The following GAB1 variants were observed in gnomAD, a reference collection of about 807,000 sequenced individuals.
GAB1 encodes the protein GRB2-associated-binding protein 1.
GAB1 carries 19 observed loss-of-function variants against 66.5 expected under a neutral mutation model. The observed-to-expected ratio is 0.29, with a 90% CI of 0.20 to 0.42. The LOEUF is 0.42. Ranked by LOEUF, GAB1 falls within the 10% of genes least tolerant of loss-of-function variation. The pLI is 1.00. For missense variants in GAB1, 732 were observed against 858.5 expected (o/e 0.85, Z 1.84); for synonymous variants, 294 against 301.4 (o/e 0.98, Z 0.25).
Position 143,355,432 on chromosome 4 carries a change from AAAC to A in GAB1, c.72+18189_72+18191del, listed in dbSNP as rs34564162. ...TTTATTTTCAATTGTGTTTAAAACA[AAAC>A]AACAACAACAACAACACATAACATA... On this transcript the variant is annotated intron_variant, in intron 1 of 9. Coordinates refer to ENST00000262994, the MANE Select transcript of GAB1 (RefSeq NM_002039.4). 2.5e-3 allele frequency among the ~76,000 whole-genome samples: 371 copies of A among 149,440 alleles called. 2 individuals carry two copies. The highest frequency in any genetic ancestry group is 8.8e-3 in the African/African-American group (349 of 39,446).
Position 143,470,529 on chromosome 4 carries a change from G to A in GAB1, c.*1340G>A, listed in dbSNP as rs1212332892. The A allele has an allele frequency of 6.6e-6, 1 of 152,200 alleles. No individual in the cohort carries two copies. The highest frequency in any genetic ancestry group is 2.1e-4 in the South Asian group (1 of 4,836). 9.4% of individuals were successfully genotyped at this position (152,200 alleles called of 1,614,324 possible). On this transcript the variant is annotated 3_prime_UTR_variant, in exon 10 of 10. Coordinates refer to ENST00000262994, the MANE Select transcript of GAB1 (RefSeq NM_002039.4). Reference sequence around the variant, plus strand: ...TCTGTCTCACCTATAACATGGTCCTGTGACATAGATATTAAGACCACAAGT... The same window carrying A: ...TCTGTCTCACCTATAACATGGTCCTATGACATAGATATTAAGACCACAAGT...
At chr4:143,398,933 G>T (rs1391376267) in intron 1 of GAB1, among the ~76,000 whole-genome samples, 1 of 152,054 alleles carries the variant, frequency 6.6e-6, no homozygotes, top group African/African-American at 2.4e-5. Context: ...TGGGCAGTTG[G>T]TTTAGAAGAG....
chr4:143,427,088 T>G (rs1331102010), intron 2 of GAB1, among the ~76,000 whole-genome samples: 1 of 152,120 alleles, frequency 6.6e-6, no homozygotes, highest in East Asian at 1.9e-4. Context: ...AAAAAAGTAC[T>G]CTCAGGAAAG....
chr4:143,365,388 G>A (rs193019166), intron 1 of GAB1, among the ~76,000 whole-genome samples: 191 of 152,222 alleles, frequency 1.3e-3, no homozygotes, highest in African/African-American at 4.5e-3. Flanking sequence ...AGATCCAGAA[G>A]GATAAAAGCC....
intron 1 of GAB1, among the ~76,000 whole-genome samples, chr4:143,360,627 G>A (rs1343877411): frequency 6.6e-6 from 1 of 152,146 alleles, no homozygotes; most frequent in Non-Finnish European, 1.5e-5. Context: ...TTGCCATCAT[G>A]CTAAAAAAAG....
chr4:143,365,660 A>G (rs991965818), intron 1 of GAB1, among the ~76,000 whole-genome samples: 2 of 152,138 alleles, frequency 1.3e-5, no homozygotes, highest in East Asian at 3.9e-4. Flanking sequence ...TGCTGAACAC[A>G]TTTTCCCATA....
At chr4:143,338,607 C>T (rs548031197) in intron 1 of GAB1, among the ~76,000 whole-genome samples, 1 of 152,230 alleles carries the variant, frequency 6.6e-6, no homozygotes, top group African/African-American at 2.4e-5. Flanking sequence ...AAATCCTGTC[C>T]ATCTATCAGT....
Position 143,421,445 on chromosome 4 carries a change from C to T in GAB1, c.367+5674C>T, listed in dbSNP as rs140898104. Among the ~76,000 whole-genome samples, 499 of 152,136 alleles carry T rather than the reference C, an allele frequency of 3.3e-3. 3 individuals carry two copies. Among genetic ancestry groups the T allele is most frequent in the Non-Finnish European group, 5.0e-3 (337 of 67,930 alleles). On this transcript the variant is annotated intron_variant, in intron 2 of 9. Coordinates refer to ENST00000262994, the MANE Select transcript of GAB1 (RefSeq NM_002039.4). Reference sequence around the variant, plus strand: ...TATAATAACTGTGTTACAGTACAGACGTATATTTAGCTTTAATAGGTTTAA... The same window carrying T: ...TATAATAACTGTGTTACAGTACAGATGTATATTTAGCTTTAATAGGTTTAA...
At chr4:143,340,661 C>G (rs1263715947) in intron 1 of GAB1, among the ~76,000 whole-genome samples, 1 of 152,160 alleles carries the variant, frequency 6.6e-6, no homozygotes, top group Non-Finnish European at 1.5e-5. Flanking sequence ...TAGGCATCCC[C>G]CTCCACACCC....
chr4:143,439,722 GA>G (rs1398493698), intron 4 of GAB1, 79 bp from the exon 5 acceptor site: 1 of 929,664 alleles, frequency 1.1e-6, no homozygotes, highest in African/African-American at 1.6e-5. Flanking sequence ...TATAATGAGA[GA>G]AAGATAATAG....
chr4:143,358,355 A>G (rs187639153), intron 1 of GAB1, among the ~76,000 whole-genome samples: 2 of 152,322 alleles, frequency 1.3e-5, no homozygotes, highest in East Asian at 3.9e-4. Context: ...AATCTTCATG[A>G]AGCAATGTGA....
chr4:143,421,133 A>G, intron 2 of GAB1, among the ~76,000 whole-genome samples: 1 of 152,088 alleles, frequency 6.6e-6, no homozygotes, highest in East Asian at 1.9e-4. Context: ...TGCTTTTATT[A>G]CTGTGGATTA....
At chr4:143,465,115 T>G (rs1735714050) in intron 8 of GAB1, among the ~76,000 whole-genome samples, 1 of 152,216 alleles carries the variant, frequency 6.6e-6, no homozygotes, top group African/African-American at 2.4e-5. Flanking sequence ...TAGATGGGGT[T>G]AAAAGGAGTA....
chr4:143,438,693 T>G (rs1734070520), intron 4 of GAB1, 93 bp downstream of exon 4: 2 of 1,334,390 alleles, frequency 1.5e-6, no homozygotes, highest in Non-Finnish European at 1.0e-6. Context: ...TTAAATATAC[T>G]ATGCTACAAA....
At chr4:143,453,054 C>A (rs1040737282) in intron 6 of GAB1, among the ~76,000 whole-genome samples, 1 of 151,984 alleles carries the variant, frequency 6.6e-6, no homozygotes, top group Non-Finnish European at 1.5e-5. Flanking sequence ...CTTTTTTTCT[C>A]GTTTCTTTCC....
At chr4:143,432,422 G>C (rs1375856193) in intron 2 of GAB1, among the ~76,000 whole-genome samples, 4 of 152,076 alleles carry the variant, frequency 2.6e-5, no homozygotes, top group Non-Finnish European at 4.4e-5. Flanking sequence ...GAAGGATTAG[G>C]AACACATTGA....
intron 1 of GAB1, among the ~76,000 whole-genome samples, chr4:143,408,072 G>T (rs539838139): frequency 3.9e-5 from 6 of 152,094 alleles, no homozygotes; most frequent in Admixed American, 6.5e-5. Flanking sequence ...AACCCCCTAA[G>T]TGCCAGTCTT....
intron 9 of GAB1, among the ~76,000 whole-genome samples, chr4:143,467,072 C>A (rs1735831211): frequency 6.6e-6 from 1 of 152,110 alleles, no homozygotes; most frequent in African/African-American, 2.4e-5. Flanking sequence ...TAGTGGAGGT[C>A]ATTGGTAGTA....
chr4:143,446,334 G>A (rs1734530862), intron 6 of GAB1, among the ~76,000 whole-genome samples: 2 of 152,176 alleles, frequency 1.3e-5, no homozygotes, highest in Admixed American at 1.3e-4. Context: ...GGGTCAAATG[G>A]TATTGCTAGT....
Sources: gnomAD v4.1 joint callset for allele counts (sites outside exome capture counted in the v4.1 genomes callset) on GRCh38, gnomAD v4.1.1 for gene constraint, MANE v1.5 for transcripts, NCBI Gene and HGNC (gene_info 2026-07-23, HGNC 2026-07-21) for gene names.